Variants in TNRC6A observed in about 807,000 individuals in gnomAD.
TNRC6A encodes trinucleotide repeat containing adaptor 6A.
A neutral mutation model predicts 221.2 loss-of-function variants in TNRC6A; 44 were observed. The observed-to-expected ratio is 0.20, with a 90% CI of 0.16 to 0.26. The LOEUF (loss-of-function observed/expected upper bound fraction) is 0.26. Ranked by LOEUF, TNRC6A falls within the 10% of genes least tolerant of loss-of-function variation. The pLI is 1.00. For missense variants in TNRC6A, 2,199 were observed against 2,404.4 expected (o/e 0.91, Z 1.79); for synonymous variants, 847 against 838.5 (o/e 1.01, Z -0.18).
intron 2 of TNRC6A, among the ~76,000 whole-genome samples, chr16:24,734,858 C>T (rs1029683837): frequency 5.3e-5 from 8 of 152,078 alleles, no homozygotes; most frequent in African/African-American, 1.9e-4. Flanking sequence ...ACTGATTTGT[C>T]CCCCCATAAA....
At position 24,822,088 on chromosome 16, in the gene TNRC6A, G is replaced by A. The variant is rs1199520842; in HGVS notation, c.5314G>A (p.Gly1772Ser). The A allele has an allele frequency of 1.2e-6, 2 of 1,613,968 alleles. No homozygotes were observed. The highest frequency in any genetic ancestry group is 1.3e-5 in the African/African-American group (1 of 74,912). ...TTTTCCTTGTTTAGGTTCCAGCTGG[G>A]GTGAGAGCAGCTCAGGGAGAATAAC... ...DARYTPGSSW[G>S]ESSSGRITNW... Residue 1772 changes from glycine to serine, a missense_variant, in exon 23 of 25, where the codon GGT becomes AGT. Physicochemically the swap from Gly to Ser is moderately conservative, Grantham distance 56 (BLOSUM62 0). Around this residue, in one of 8 missense-constraint regions of TNRC6A, gnomAD observed 449 missense variants for 579.7 expected, o/e 0.77. Transcript: ENST00000395799.
At position 24,790,017 on chromosome 16, in the gene TNRC6A, T is replaced by C; in HGVS notation, c.1375T>C (p.Phe459Leu). The C allele has an allele frequency of 1.2e-6, 2 of 1,614,214 alleles. No individual in the cohort carries two copies. Among genetic ancestry groups the C allele is most frequent in the South Asian group, 2.2e-5 (2 of 91,086 alleles). The stretch of plus-strand genomic sequence containing the variant: ...GACTGGACCAAATAACACTACTAAC[T>C]TTATGACCTCTAGTTTACCAAACTC... ...EMTGPNNTTN[F>L]MTSSLPNSGS... The change falls in exon 6 of 25, where the codon TTT becomes CTT. Residue 459 changes from phenylalanine (F) to leucine (L), a missense_variant. By Grantham distance (22) the Phe-to-Leu change is conservative (BLOSUM62 0). Transcript: ENST00000395799.
rs1298826968 is a variant in TNRC6A at position 24,655,613 on chromosome 16, T to C, written n.402+14604T>C. Among the ~76,000 whole-genome samples the C allele has an allele frequency of 7.3e-5, 11 of 151,536 alleles. No homozygotes were observed. The East Asian group carries it at 1.4e-3, about 19-fold the overall frequency. ...CTGAAGTAGAAGAATTGCTTGAACC[T>C]GGGAGGCGGAGGTTGCGGTGAGCCA... On this transcript the variant is annotated intron_variant and non_coding_transcript_variant, in intron 2 of 2. Transcript: ENST00000566108.
intron 5 of TNRC6A, among the ~76,000 whole-genome samples, chr16:24,781,914 C>T (rs1290527436): frequency 6.6e-6 from 1 of 151,956 alleles, no homozygotes. Context: ...GCTCTGCTTC[C>T]CAGGTTCACA....
Position 24,729,675 on chromosome 16 carries a change from G to GCGGCGGCGGTGT in TNRC6A, c.-161_-160insCGGTGTCGGCGG. 1 of 696,986 alleles carries GCGGCGGCGGTGT rather than the reference G, an allele frequency of 1.4e-6. No individual in the cohort carries two copies. The highest frequency in any genetic ancestry group is 2.0e-6 in the Non-Finnish European group (1 of 507,462). The allele number at this position is 696,986 out of a possible 1,614,324, so 43.2% of individuals were successfully genotyped here. A position where few individuals can be genotyped will look rare whatever the true frequency, so the allele number is the denominator to read the frequency against. On this transcript the variant is annotated 5_prime_UTR_variant, in exon 1 of 25. Transcript: ENST00000395799. ...CACTTCCGGTCTGGGGCCTGCGGCGGCGGCGGTGTCGGCGGCGGCGGCGGC... is the reference window on the plus strand; with the variant it reads ...CACTTCCGGTCTGGGGCCTGCGGCGGCGGCGGCGGTGTCGGCGGTGTCGGCGGCGGCGGCGGC...
At chr16:24,614,869 C>T (rs897371719) in intron 1 of TNRC6A, among the ~76,000 whole-genome samples, 6 of 152,046 alleles carry the variant, frequency 3.9e-5, no homozygotes, top group Admixed American at 1.3e-4. Context: ...CAGGAGTTCG[C>T]GACCAGCCTG....
rs988275384 is a variant in TNRC6A at position 24,825,439 on chromosome 16, A to G, written c.*1632A>G. ...GAAATTTCTTCAGATATAATAAACC[A>G]TGACTTTTTGGCTGCTCAACATTAA... On this transcript the variant is annotated 3_prime_UTR_variant, in exon 25 of 25. Coordinates refer to ENST00000395799, the MANE Select transcript of TNRC6A (RefSeq NM_014494.4). 4.6e-5 allele frequency: 7 copies of G among 152,682 alleles called. No individual in the cohort carries two copies. Among genetic ancestry groups the G allele is most frequent in the African/African-American group, 1.2e-4 (5 of 41,472 alleles). 9.5% of individuals were successfully genotyped at this position (152,682 alleles called of 1,614,324 possible). A position where few individuals can be genotyped will look rare whatever the true frequency, so the allele number is the denominator to read the frequency against.
At chr16:24,616,655 A>G (rs1900365634) in intron 1 of TNRC6A, among the ~76,000 whole-genome samples, 1 of 152,066 alleles carries the variant, frequency 6.6e-6, no homozygotes, top group African/African-American at 2.4e-5. Flanking sequence ...GTATGGCCAG[A>G]TGCGGTGGTT....
intron 2 of TNRC6A, among the ~76,000 whole-genome samples, chr16:24,695,580 A>G (rs551658410): frequency 6.6e-6 from 1 of 151,906 alleles, no homozygotes; most frequent in Admixed American, 6.6e-5. Context: ...TTGTGTTTTT[A>G]GTAGAGACGG....
At chr16:24,715,694 T>C (rs1042675402) in intron 2 of TNRC6A, among the ~76,000 whole-genome samples, 6 of 149,104 alleles carry the variant, frequency 4.0e-5, no homozygotes, top group Admixed American at 1.3e-4. Flanking sequence ...CTTGGCTCAC[T>C]GCAACCTCCG....
At chr16:24,704,692 A>G (rs1045212124) in intron 2 of TNRC6A, among the ~76,000 whole-genome samples, 1 of 149,926 alleles carries the variant, frequency 6.7e-6, no homozygotes, top group African/African-American at 2.4e-5. Flanking sequence ...AAAAAAAAAA[A>G]AAGAAAGAAA....
intron 17 of TNRC6A, 143 bp downstream of exon 17, chr16:24,806,927 C>T (rs949674769): frequency 6.5e-6 from 5 of 764,694 alleles, no homozygotes; most frequent in African/African-American, 1.7e-5. Context: ...TTGCCATCCC[C>T]TCTCCTAGTT....
chr16:24,808,380 T>G (rs2058477108), intron 17 of TNRC6A, among the ~76,000 whole-genome samples: 2 of 152,190 alleles, frequency 1.3e-5, no homozygotes, highest in African/African-American at 4.8e-5. Flanking sequence ...TTGGCCAAAT[T>G]TGGCCCACTG....
chr16:24,763,453 GT>G (rs2057405798), intron 4 of TNRC6A, among the ~76,000 whole-genome samples: 1 of 152,110 alleles, frequency 6.6e-6, no homozygotes, highest in African/African-American at 2.4e-5. Context: ...GAAGGAAGAA[GT>G]TTTTAGTTTG....
intron 2 of TNRC6A, among the ~76,000 whole-genome samples, chr16:24,654,699 A>G (rs1170135814): frequency 6.6e-6 from 1 of 152,144 alleles, no homozygotes; most frequent in East Asian, 1.9e-4. Context: ...AGCCTGGGTG[A>G]CAGAGTGAGA....
At chr16:24,623,612 A>T (rs1289656707) in intron 1 of TNRC6A, among the ~76,000 whole-genome samples, 1 of 152,000 alleles carries the variant, frequency 6.6e-6, no homozygotes, top group African/African-American at 2.4e-5. Flanking sequence ...GAAGAATTTC[A>T]AGGCTGGACA....
intron 2 of TNRC6A, among the ~76,000 whole-genome samples, chr16:24,651,538 C>CAAAAAAAAAAA (rs768568973): frequency 2.1e-5 from 1 of 48,750 alleles, no homozygotes; most frequent in Non-Finnish European, 4.0e-5. Flanking sequence ...AACTCCATCT[C>CAAAAAAAAAAA]AAAAAAAAAA....
intron 2 of TNRC6A, among the ~76,000 whole-genome samples, chr16:24,648,472 G>C (rs371939834): frequency 6.6e-6 from 1 of 151,664 alleles, no homozygotes; most frequent in East Asian, 1.9e-4. Flanking sequence ...GGGTTTCACC[G>C]TGTTAGCCAG....
rs146442938 is a variant in TNRC6A, at chr16:24,790,317, A to G, written c.1675A>G (p.Met559Val). The G allele has an allele frequency of 1.9e-3, 2,991 of 1,614,222 alleles. 105 individuals are homozygous for G. In the Admixed American group the frequency reaches 0.047, roughly 26 times the overall value. Residue 559 changes from methionine (M) to valine (V), a missense_variant, in exon 6 of 25, where the codon ATG becomes GTG. Met to Val is a conservative substitution (Grantham distance 21). Transcript: ENST00000395799. ...AATGCAGCCTGGCGTAAATGGTCCT[A>G]TGGGCACTAACTTTCAAGTTAACAC... ...TLMQPGVNGP[M>V]GTNFQVNTNK...
Sources: gnomAD v4.1 joint callset for allele counts (sites outside exome capture counted in the v4.1 genomes callset) on GRCh38, gnomAD v4.1.1 for gene constraint, gnomAD v4.1.1 regional missense constraint, MANE v1.5 for transcripts, NCBI Gene and HGNC (gene_info 2026-07-23, HGNC 2026-07-21) for gene names.